MACROH2A2: variants seen among roughly 807,000 people sequenced by gnomAD.
MACROH2A2 encodes macroH2A.2 histone.
In MACROH2A2, 6 loss-of-function variants were observed where a neutral mutation model predicts 37.6. The observed-to-expected ratio is 0.16, with a 90% confidence interval of 0.09 to 0.32. The LOEUF is 0.32. Ranked by LOEUF, MACROH2A2 falls within the 10% of genes least tolerant of loss-of-function variation. MACROH2A2 has a pLI of 1.00. For missense variants in MACROH2A2, 290 were observed against 485.9 expected (o/e 0.60, Z 3.79); for synonymous variants, 192 against 202.7 (o/e 0.95, Z 0.45).
intron 2 of MACROH2A2, among the ~76,000 whole-genome samples, chr10:70,087,852 C>T (rs1027317056): frequency 2.6e-5 from 4 of 152,172 alleles, no homozygotes; most frequent in Non-Finnish European, 5.9e-5. Context: ...CAGCACTTTT[C>T]TTTATGGAAA....
At chr10:70,106,555 G>A (rs1200745660) in intron 7 of MACROH2A2, among the ~76,000 whole-genome samples, 3 of 152,068 alleles carry the variant, frequency 2.0e-5, no homozygotes, top group African/African-American at 7.2e-5. Context: ...CTAGCACTTT[G>A]GGAGGCCGAG....
At chr10:70,095,789 A>G in intron 6 of MACROH2A2, 36 bp downstream of exon 6, 3 of 981,652 alleles carry the variant, frequency 3.1e-6, no homozygotes, top group Non-Finnish European at 5.0e-6. Flanking sequence ...GTGCCATAGA[A>G]TAGGCCACTG....
At chr10:70,100,101 G>A (rs1357666421) in intron 6 of MACROH2A2, 107 bp from the exon 7 acceptor site, 2 of 614,402 alleles carry the variant, frequency 3.3e-6, no homozygotes, top group Non-Finnish European at 5.8e-6. Context: ...TCAATTCCTA[G>A]TTTCTAACAG....
chr10:70,098,420 A>G (rs902488843), intron 6 of MACROH2A2: 1 of 151,924 alleles, frequency 6.6e-6, no homozygotes, highest in Non-Finnish European at 1.5e-5. Context: ...AAAGGAAGAA[A>G]GGAAAGAAAG....
chr10:70,075,937 C>T lies in MACROH2A2; in HGVS notation c.172+107C>T. 2 of 892,964 alleles carry T rather than the reference C, an allele frequency of 2.2e-6. No individual in the cohort carries two copies. Among genetic ancestry groups the T allele is most frequent in the Non-Finnish European group, 3.5e-6 (2 of 576,832 alleles). The allele number at this position is 892,964 out of a possible 1,614,324, so 55.3% of individuals were successfully genotyped here. Reference sequence around the variant, plus strand: ...GCTCCAAATTGCCTTTTGGCTGGCTCAAGGCTACTGTGGGTGGTGACAGGG... The same window carrying T: ...GCTCCAAATTGCCTTTTGGCTGGCTTAAGGCTACTGTGGGTGGTGACAGGG... On this transcript the variant is annotated intron_variant, in intron 2 of 8. Transcript: ENST00000373255. This position sits in a 1 kb window ranked among gnomAD's most constrained non-coding sequence, Gnocchi z 5.0.
intron 1 of MACROH2A2, among the ~76,000 whole-genome samples, chr10:70,071,098 C>T (rs1049181062): frequency 5.5e-5 from 8 of 146,586 alleles, no homozygotes; most frequent in Admixed American, 2.1e-4. Flanking sequence ...TGTGTGTGCG[C>T]GTGTGCACAG....
intron 1 of MACROH2A2, among the ~76,000 whole-genome samples, chr10:70,068,877 T>C (rs1015733391): frequency 1.3e-5 from 2 of 152,212 alleles, no homozygotes; most frequent in Admixed American, 6.5e-5. Context: ...GGCAACTTCA[T>C]TGGAAAATAT....
At chr10:70,055,854 A>C (rs1225110958) in intron 1 of MACROH2A2, among the ~76,000 whole-genome samples, 1 of 152,202 alleles carries the variant, frequency 6.6e-6, no homozygotes, top group Admixed American at 6.5e-5. Flanking sequence ...AATTTTGGTC[A>C]TTCTGAAGTA....
At chr10:70,065,328 C>T (rs1440967893) in intron 1 of MACROH2A2, among the ~76,000 whole-genome samples, 3 of 152,088 alleles carry the variant, frequency 2.0e-5, no homozygotes, top group Non-Finnish European at 2.9e-5. Flanking sequence ...CTGCCCACCT[C>T]GGCCTCCCAA....
At chr10:70,088,746 A>C (rs748140748) in intron 2 of MACROH2A2, among the ~76,000 whole-genome samples, 6 of 152,180 alleles carry the variant, frequency 3.9e-5, no homozygotes, top group Non-Finnish European at 8.8e-5. Flanking sequence ...CCCAGAGTGT[A>C]AGTCAGTCCT....
At chr10:70,068,609 G>C (rs985927798) in intron 1 of MACROH2A2, among the ~76,000 whole-genome samples, 42 of 152,168 alleles carry the variant, frequency 2.8e-4, no homozygotes, top group Middle Eastern at 3.4e-3. Flanking sequence ...TTTAATCACA[G>C]CAACAGCCAA....
intron 4 of MACROH2A2, among the ~76,000 whole-genome samples, chr10:70,092,986 A>G (rs955413426): frequency 6.6e-6 from 1 of 151,558 alleles, no homozygotes; most frequent in Non-Finnish European, 1.5e-5. Context: ...CCAGTACAGT[A>G]ACCACTGGTC....
chr10:70,074,284 T>C (rs2072127643), intron 1 of MACROH2A2, among the ~76,000 whole-genome samples: 1 of 152,340 alleles, frequency 6.6e-6, no homozygotes, highest in African/African-American at 2.4e-5. Flanking sequence ...TTCCTGGTGC[T>C]GAATTCACCT....
At position 70,075,892 on chromosome 10, in the gene MACROH2A2, C is replaced by G. The variant is rs2072137001; in HGVS notation, c.172+62C>G. The G allele has an allele frequency of 7.0e-7, 1 of 1,420,996 alleles. No individual in the cohort carries two copies. The highest frequency in any genetic ancestry group is 9.8e-7 in the Non-Finnish European group (1 of 1,023,914). 88.0% of individuals were successfully genotyped at this position (1,420,996 alleles called of 1,614,324 possible). On this transcript the variant is annotated intron_variant, in intron 2 of 8. Coordinates refer to ENST00000373255, the MANE Select transcript of MACROH2A2 (RefSeq NM_018649.3). The surrounding 1 kb of genome is among the most constrained non-coding windows in gnomAD (Gnocchi z 5.0). ...GGTCCCCACCCTCCCCTGGGTCCCC[C>G]TCGCAGGCTGGGGAGGGATGCTCCA...
chr10:70,082,416 C>CA (rs540113997), intron 2 of MACROH2A2, among the ~76,000 whole-genome samples: 13,925 of 120,766 alleles, frequency 0.12, 756 homozygotes, highest in East Asian at 0.27. Context: ...GAAACTGTGT[C>CA]AAAAAAAAAA....
At chr10:70,057,329 C>A (rs1244682639) in intron 1 of MACROH2A2, among the ~76,000 whole-genome samples, 1 of 101,482 alleles carries the variant, frequency 9.9e-6, no homozygotes, top group Non-Finnish European at 1.8e-5. Context: ...CAAGCCATTC[C>A]TTTCATTGTA....
chr10:70,108,187 G>A (rs2072348870), intron 7 of MACROH2A2, among the ~76,000 whole-genome samples: 1 of 151,658 alleles, frequency 6.6e-6, no homozygotes, highest in South Asian at 2.1e-4. Context: ...CAGCCTGGGC[G>A]ACAGAAAAAG....
rs577926647 is a variant in MACROH2A2, at chr10:70,053,883, G to A, written c.-60+883G>A. The stretch of plus-strand genomic sequence containing the variant: ...ATAAAAGTAAACTGGCTGCGGCGCA[G>A]GAAAGGGCTCTGCCGGGCGCCGGAC... On this transcript the variant is annotated intron_variant, in intron 1 of 8. Transcript: ENST00000373255. The surrounding 1 kb of genome is among the most constrained non-coding windows in gnomAD (Gnocchi z 4.8). Among the ~76,000 whole-genome samples the A allele has an allele frequency of 1.0e-3, 155 of 152,306 alleles. No individual in the cohort carries two copies. Among genetic ancestry groups the A allele is most frequent in the African/African-American group, 3.5e-3 (144 of 41,582 alleles).
At position 70,053,427 on chromosome 10, in the gene MACROH2A2, G is replaced by A. The variant is rs929279278; in HGVS notation, c.-60+427G>A. ...CGCCGATGGGCACGGGGCGATGGGT[G>A]GGGGGCTGCGCAGGGCCCGAGGGAG... is the stretch of plus-strand genomic sequence containing the variant. On this transcript the variant is annotated intron_variant, in intron 1 of 8. Coordinates refer to ENST00000373255, the MANE Select transcript of MACROH2A2 (RefSeq NM_018649.3). This position sits in a 1 kb window ranked among gnomAD's most constrained non-coding sequence, Gnocchi z 4.8. 6.6e-6 allele frequency among the ~76,000 whole-genome samples: 1 copy of A among 151,982 alleles called. No homozygotes were observed. The highest frequency in any genetic ancestry group is 6.5e-5 in the Admixed American group (1 of 15,282).
Sources: gnomAD v4.1 joint callset for allele counts (sites outside exome capture counted in the v4.1 genomes callset) on GRCh38, gnomAD v4.1.1 for gene constraint, Gnocchi (gnomAD v3.1) non-coding constraint, MANE v1.5 for transcripts, NCBI Gene and HGNC (gene_info 2026-07-23, HGNC 2026-07-21) for gene names.